The following TRAPPC9 variants were observed in gnomAD, a reference collection of about 807,000 sequenced individuals.
TRAPPC9 encodes IKK2 binding protein.
Under a neutral mutation model 124.0 loss-of-function variants are expected in TRAPPC9, and 83 were observed. The observed-to-expected ratio is 0.67, with a 90% CI of 0.56 to 0.80. The LOEUF (loss-of-function observed/expected upper bound fraction) is 0.80, where lower values mean the gene tolerates loss of function less well. TRAPPC9 is among the 30% of genes least tolerant of loss of function. The pLI is 0.00. For synonymous variants in TRAPPC9, 638 were observed against 617.5 expected (o/e 1.03, Z -0.49); for missense variants, 1,302 against 1,508.3 (o/e 0.86, Z 2.27).
In TRAPPC9 at chr8:140,290,301, C is replaced by A. The variant is rs528881151; in HGVS notation, c.1854+692G>T. On this transcript the variant is annotated intron_variant, in intron 12 of 22. Transcript: ENST00000438773. ...TCCATTCTCGCAGCACCCTCCTTTG[C>A]GTGCTGCTGAAAAGTTACACAGCAG... Among the ~76,000 whole-genome samples the A allele has an allele frequency of 1.8e-4, 28 of 152,300 alleles. 1 individual carries two copies. Among genetic ancestry groups the A allele is most frequent in the Admixed American group, 1.8e-3 (27 of 15,304 alleles).
At chr8:139,993,268 A>T (rs893639098) in intron 18 of TRAPPC9, among the ~76,000 whole-genome samples, 2 of 152,232 alleles carry the variant, frequency 1.3e-5, no homozygotes. Flanking sequence ...ACAAGAATCA[A>T]TAATTTAAAG....
chr8:140,135,681 G>A (rs922441210), intron 17 of TRAPPC9, among the ~76,000 whole-genome samples: 7 of 152,230 alleles, frequency 4.6e-5, no homozygotes, highest in Admixed American at 4.6e-4. Context: ...GCTTCTATTT[G>A]GGGTGATGGA....
chr8:140,322,164 C>T lies in TRAPPC9; in HGVS notation c.1496-10790G>A, dbSNP rs1344250807. Among the ~76,000 whole-genome samples the T allele has an allele frequency of 5.9e-5, 9 of 152,276 alleles. No individual in the cohort carries two copies. The South Asian group carries it at 1.0e-3, about 18-fold the overall frequency. On this transcript the variant is annotated intron_variant, in intron 9 of 22. Coordinates refer to ENST00000438773, the MANE Select transcript of TRAPPC9 (RefSeq NM_001160372.4). ...AGATCAGAGAAAACTCCCCCAAACC[C>T]ACAAATCCAGCATCCAGTCTCAAAG...
At chr8:139,970,705 T>A (rs1433501021) in intron 19 of TRAPPC9, among the ~76,000 whole-genome samples, 2 of 152,194 alleles carry the variant, frequency 1.3e-5, no homozygotes, top group African/African-American at 4.8e-5. Flanking sequence ...GAGGCCCAGC[T>A]TGCTGGACTG....
intron 21 of TRAPPC9, among the ~76,000 whole-genome samples, chr8:139,754,636 C>T (rs1487594175): frequency 6.6e-6 from 1 of 152,222 alleles, no homozygotes; most frequent in Non-Finnish European, 1.5e-5. Flanking sequence ...CGGCTGAAAT[C>T]CTCACTGGGC....
At chr8:140,206,379 C>A (rs2062917899) in intron 17 of TRAPPC9, among the ~76,000 whole-genome samples, 1 of 152,192 alleles carries the variant, frequency 6.6e-6, no homozygotes, top group African/African-American at 2.4e-5. Context: ...TCTTGTCTTA[C>A]AATTTTCCTG....
intron 9 of TRAPPC9, among the ~76,000 whole-genome samples, chr8:140,323,844 T>G (rs2066664340): frequency 6.6e-6 from 1 of 152,136 alleles, no homozygotes; most frequent in African/African-American, 2.4e-5. Flanking sequence ...AAACCCAAGA[T>G]CCAACTATAT....
At chr8:140,159,343 A>T (rs1302385519) in intron 17 of TRAPPC9, among the ~76,000 whole-genome samples, 2 of 152,192 alleles carry the variant, frequency 1.3e-5, no homozygotes, top group Non-Finnish European at 2.9e-5. Context: ...ACACACTGAG[A>T]ATAGTGCCTT....
chr8:139,948,846 G>A (rs901193655), intron 19 of TRAPPC9, among the ~76,000 whole-genome samples: 1 of 152,220 alleles, frequency 6.6e-6, no homozygotes, highest in Admixed American at 6.5e-5. Context: ...GAGAGGATGA[G>A]GTGGCGGATC....
chr8:139,997,022 C>T (rs539728206), intron 18 of TRAPPC9, among the ~76,000 whole-genome samples: 1 of 152,312 alleles, frequency 6.6e-6, no homozygotes, highest in African/African-American at 2.4e-5. Flanking sequence ...GCTGGGATTA[C>T]AGGCGTGAGC....
rs2065530087 is a variant in TRAPPC9, at chr8:140,287,691, GCCGC to G, written c.1894_1897del (p.Ala632ArgfsTer13). Reference sequence around the variant, plus strand: ...ACCAGATTCAGCCGGAAGAGAAAGCGCCGCAGGGAGAGACTCGAACTCCACTCCG... The same window carrying G: ...ACCAGATTCAGCCGGAAGAGAAAGCGAGGGAGAGACTCGAACTCCACTCCG... On this transcript the variant is annotated frameshift_variant, in exon 13 of 23. Coordinates refer to ENST00000438773, the MANE Select transcript of TRAPPC9 (RefSeq NM_001160372.4). LOFTEE classifies it high-confidence loss of function. 2 of 1,614,054 alleles carry G rather than the reference GCCGC, an allele frequency of 1.2e-6. No homozygotes were observed. The highest frequency in any genetic ancestry group is 1.7e-5 in the Admixed American group (1 of 59,994).
At chr8:140,440,259 G>A (rs931211747) in intron 2 of TRAPPC9, among the ~76,000 whole-genome samples, 13 of 152,178 alleles carry the variant, frequency 8.5e-5, no homozygotes, top group Non-Finnish European at 1.9e-4. Context: ...TGTAATCCCA[G>A]CACTTTGGGA....
chr8:139,738,712 G>A (rs1033878701), intron 21 of TRAPPC9, among the ~76,000 whole-genome samples: 1 of 152,168 alleles, frequency 6.6e-6, no homozygotes, highest in African/African-American at 2.4e-5. Flanking sequence ...AGCAGCTGGT[G>A]AGCCCAACAC....
chr8:140,185,688 C>A (rs913849792), intron 17 of TRAPPC9, among the ~76,000 whole-genome samples: 1 of 152,184 alleles, frequency 6.6e-6, no homozygotes, highest in African/African-American at 2.4e-5. Context: ...CCTCCACCAG[C>A]GAGGGGCGGG....
At chr8:139,931,901 T>G (rs1833169803) in intron 19 of TRAPPC9, 1 of 191,910 alleles carries the variant, frequency 5.2e-6, no homozygotes, top group African/African-American at 2.4e-5. Flanking sequence ...GACGATGGCC[T>G]GTCAGAGAAA....
intron 17 of TRAPPC9, among the ~76,000 whole-genome samples, chr8:140,147,314 T>C (rs929091471): frequency 1.3e-5 from 2 of 152,332 alleles, no homozygotes; most frequent in African/African-American, 2.4e-5. Flanking sequence ...CCTAATGCCA[T>C]GAATCTCTAA....
chr8:139,826,788 G>C (rs1825672850), intron 21 of TRAPPC9, among the ~76,000 whole-genome samples: 1 of 152,152 alleles, frequency 6.6e-6, no homozygotes. Context: ...ACTGAACTGT[G>C]AACAGAAAGG....
chr8:139,899,059 G>A (rs976197036), intron 20 of TRAPPC9, among the ~76,000 whole-genome samples: 1 of 134,374 alleles, frequency 7.4e-6, no homozygotes, highest in Non-Finnish European at 1.5e-5. Flanking sequence ...GGCAGAGGCT[G>A]CAGTGAGCCG....
At chr8:140,092,372 A>G (rs1277491775) in intron 17 of TRAPPC9, among the ~76,000 whole-genome samples, 1 of 151,864 alleles carries the variant, frequency 6.6e-6, no homozygotes. Flanking sequence ...TAATTTTTGT[A>G]GTTTTAGTAG....
Sources: gnomAD v4.1 joint callset for allele counts (sites outside exome capture counted in the v4.1 genomes callset) on GRCh38, gnomAD v4.1.1 for gene constraint, MANE v1.5 for transcripts, NCBI Gene and HGNC (gene_info 2026-07-23, HGNC 2026-07-21) for gene names.